The following IQCB1 variants were observed in gnomAD, a reference collection of about 807,000 sequenced individuals.
The protein encoded by IQCB1 is IQ motif containing B1, also known as IQ calmodulin-binding motif-containing protein 1.
A neutral mutation model predicts 84.4 loss-of-function variants in IQCB1; 56 were observed. That is an observed-to-expected ratio of 0.66 (90% CI 0.54 to 0.83). IQCB1 has a LOEUF of 0.83. Among genes scored for constraint, IQCB1 ranks in the 40% least tolerant of loss-of-function variants. The pLI is 0.00. For missense variants in IQCB1, 629 were observed against 682.1 expected (o/e 0.92, Z 0.87); for synonymous variants, 210 against 234.8 (o/e 0.89, Z 0.96).
At chr3:121,795,150 A>G (rs1949129372) in intron 10 of IQCB1, among the ~76,000 whole-genome samples, 1 of 152,100 alleles carries the variant, frequency 6.6e-6, no homozygotes. Flanking sequence ...CGAAATTATG[A>G]TAACTGTTGG....
At chr3:121,810,070 T>C (rs756752184) in intron 5 of IQCB1, among the ~76,000 whole-genome samples, 2 of 152,110 alleles carry the variant, frequency 1.3e-5, no homozygotes, top group South Asian at 2.1e-4. Flanking sequence ...GTAATTCTCA[T>C]TGTTGTCAAT....
intron 13 of IQCB1, 22 bp downstream of exon 13, chr3:121,781,721 A>T (rs1475942944): frequency 6.2e-7 from 1 of 1,607,470 alleles, no homozygotes; most frequent in Non-Finnish European, 8.5e-7. Context: ...TGTAATACTG[A>T]TATGGTACAG....
chr3:121,789,980 T>A, intron 11 of IQCB1, 93 bp downstream of exon 11: 3 of 1,137,810 alleles, frequency 2.6e-6, no homozygotes, highest in Non-Finnish European at 4.0e-6. Context: ...AAAGTCCAAA[T>A]TTAAAAAAAA....
At chr3:121,778,281 TTGTTAGA>T (rs1338855053) in intron 13 of IQCB1, among the ~76,000 whole-genome samples, 1 of 152,194 alleles carries the variant, frequency 6.6e-6, no homozygotes, top group Non-Finnish European at 1.5e-5. Context: ...TATTAGCCCT[TTGTTAGA>T]TGTATAGCTT....
intron 10 of IQCB1, among the ~76,000 whole-genome samples, chr3:121,792,382 G>A (rs1416091623): frequency 2.6e-5 from 4 of 151,878 alleles, no homozygotes; most frequent in Admixed American, 1.3e-4. Context: ...GATTTGGGCC[G>A]GGCGCGGTGG....
intron 12 of IQCB1, among the ~76,000 whole-genome samples, chr3:121,785,366 C>T (rs1367945087): frequency 6.6e-6 from 1 of 152,032 alleles, no homozygotes; most frequent in African/African-American, 2.4e-5. Context: ...GATTTTCCCC[C>T]ACTTCAGTTT....
intron 12 of IQCB1, among the ~76,000 whole-genome samples, chr3:121,786,033 T>G (rs1336929065): frequency 1.4e-5 from 2 of 140,542 alleles, no homozygotes; most frequent in African/African-American, 5.1e-5. Flanking sequence ...TAGCTGGGCC[T>G]GGTGGTGCAA....
chr3:121,807,530 G>C (rs1949650785), intron 6 of IQCB1, 87 bp from the exon 7 acceptor site: 3 of 731,776 alleles, frequency 4.1e-6, no homozygotes, highest in Admixed American at 4.0e-5. Flanking sequence ...CCAAATCAAA[G>C]CATGACCATC....
At chr3:121,775,395 G>A (rs1948184590) in intron 13 of IQCB1, among the ~76,000 whole-genome samples, 1 of 152,210 alleles carries the variant, frequency 6.6e-6, no homozygotes. Flanking sequence ...AACACTGCAT[G>A]TTCTCAACCA....
At chr3:121,803,382 C>T (rs1014394202) in intron 7 of IQCB1, among the ~76,000 whole-genome samples, 3 of 152,098 alleles carry the variant, frequency 2.0e-5, no homozygotes, top group Non-Finnish European at 4.4e-5. Context: ...TTATTTATGG[C>T]TCGGAATATG....
At chr3:121,816,494 T>C (rs1166362557) in intron 5 of IQCB1, among the ~76,000 whole-genome samples, 7 of 151,734 alleles carry the variant, frequency 4.6e-5, no homozygotes, top group African/African-American at 1.7e-4. Context: ...ACCTACAGAA[T>C]AGGAAAAAAT....
At chr3:121,784,042 C>T (rs1237784343) in intron 12 of IQCB1, among the ~76,000 whole-genome samples, 1 of 152,138 alleles carries the variant, frequency 6.6e-6, no homozygotes, top group African/African-American at 2.4e-5. Flanking sequence ...GTATTGGACA[C>T]TTAATTGGTC....
At chr3:121,779,788 CT>C (rs1242917195) in intron 13 of IQCB1, among the ~76,000 whole-genome samples, 1 of 152,048 alleles carries the variant, frequency 6.6e-6, no homozygotes, top group African/African-American at 2.4e-5. Context: ...ACATTTTAAT[CT>C]TTTTTTGACT....
intron 9 of IQCB1, 34 bp from the exon 10 acceptor site, chr3:121,795,600 A>T: frequency 1.6e-6 from 2 of 1,216,464 alleles, no homozygotes; most frequent in Non-Finnish European, 2.3e-6. Flanking sequence ...AGATATCTCT[A>T]GGAAGGTCTT....
At chr3:121,781,952 A>G in intron 12 of IQCB1, 78 bp from the exon 13 acceptor site, 1 of 1,388,914 alleles carries the variant, frequency 7.2e-7, no homozygotes, top group Non-Finnish European at 1.0e-6. Context: ...AACATATGGT[A>G]GTGATCACAT....
chr3:121,821,644 C>T (rs1227313777), intron 5 of IQCB1, among the ~76,000 whole-genome samples: 2 of 152,156 alleles, frequency 1.3e-5, no homozygotes, highest in Non-Finnish European at 2.9e-5. Flanking sequence ...TCCAATACAA[C>T]TTAATTTTTA....
At position 121,770,368 on chromosome 3, in the gene IQCB1, TG is replaced by T; in HGVS notation, c.1773del (p.Phe591LeufsTer11). On this transcript the variant is annotated frameshift_variant, in exon 15 of 15. Transcript: ENST00000310864. LOFTEE classifies it high-confidence loss of function. ...CACTAAGGTGGTTTGGTTCCACCAA[TG>T]AATAAATTTTCTAATTCTATACTAA... ...DELSIELENLFIGGTKPP is the reference protein window; with the variant it reads ...DELSIELENLXIGGTKPP The T allele has an allele frequency of 6.2e-7, 1 of 1,612,782 alleles. No homozygotes were observed.
intron 5 of IQCB1, 112 bp from the exon 6 acceptor site, chr3:121,809,121 T>A (rs530310643): frequency 1.5e-6 from 1 of 666,380 alleles, no homozygotes; most frequent in African/African-American, 1.8e-5. Context: ...GGATCTAACT[T>A]AGCTATTTAT....
rs778319594 is a variant in IQCB1 at position 121,807,404 on chromosome 3, T to C, written c.527A>G (p.Asp176Gly). Residue 176 changes from aspartate to glycine, a missense_variant, in exon 7 of 15, where the codon GAC becomes GGC. Asp to Gly is a moderately conservative substitution (Grantham distance 94, BLOSUM62 -1). Transcript: ENST00000310864. ...GACTGCAGATCCTATTTGGACATTG[T>C]CAGCTTGCAGTAAATGTAAGAAATG... ...SDHFLHLLQA[D>G]NVQIGSAVMM... is the part of the protein sequence containing the mutation. 2.5e-6 allele frequency: 4 copies of C among 1,577,884 alleles called. No individual in the cohort carries two copies. The East Asian group carries it at 6.7e-5, about 27-fold the overall frequency.
Sources: allele counts gnomAD v4.1 joint callset (sites outside exome capture counted in the v4.1 genomes callset), GRCh38; gene constraint gnomAD v4.1.1; transcripts MANE v1.5; gene names NCBI Gene and HGNC (gene_info 2026-07-23, HGNC 2026-07-21).